Variants in ICA1L observed in about 807,000 individuals in gnomAD.
The protein encoded by ICA1L is islet cell autoantigen 1-like protein.
Under a neutral mutation model 61.3 loss-of-function variants are expected in ICA1L, and 50 were observed. That is an observed-to-expected ratio of 0.82 (90% CI 0.65 to 1.03). The LOEUF is 1.03. ICA1L is among the 50% of genes least tolerant of loss of function. ICA1L has a pLI of 0.00. For missense variants in ICA1L, 508 were observed against 556.7 expected, an observed-to-expected ratio of 0.91 and a Z score of 0.88; for synonymous variants, 161 against 191.3, an observed-to-expected ratio of 0.84 and a Z score of 1.31.
intron 9 of ICA1L, among the ~76,000 whole-genome samples, chr2:202,807,009 C>T (rs1186702422): frequency 3.3e-5 from 5 of 152,172 alleles, no homozygotes; most frequent in African/African-American, 4.8e-5. Context: ...TGGACTTTTG[C>T]GTTTAAAAGC....
chr2:202,777,573 A>G lies in ICA1L; in HGVS notation c.*1960T>C. On this transcript the variant is annotated 3_prime_UTR_variant, in exon 13 of 13. Coordinates refer to ENST00000358299, the MANE Select transcript of ICA1L (RefSeq NM_001288622.3). ...TTAAAATCTAAAAGAAATAGGAGTA[A>G]TATTGTGAAAAGATTTTATGGAAAG... is the stretch of plus-strand genomic sequence containing the variant. The G allele has an allele frequency of 6.6e-6, 1 of 152,208 alleles. No homozygotes were observed. The highest frequency in any genetic ancestry group is 1.5e-5 in the Non-Finnish European group (1 of 68,044). The allele number at this position is 152,208 out of a possible 1,614,324, so 9.4% of individuals were successfully genotyped here.
At chr2:202,787,533 T>C (rs1559127014) in intron 11 of ICA1L, among the ~76,000 whole-genome samples, 1 of 152,228 alleles carries the variant, frequency 6.6e-6, no homozygotes, top group Non-Finnish European at 1.5e-5. Context: ...TGTCTATTCT[T>C]TCTTTTATTC....
At chr2:202,866,726 T>A (rs1472968888) in intron 1 of ICA1L, among the ~76,000 whole-genome samples, 1 of 152,054 alleles carries the variant, frequency 6.6e-6, no homozygotes, top group Non-Finnish European at 1.5e-5. Flanking sequence ...GGCGGGCGAA[T>A]CACAAGGTCA....
rs570040617 is a variant in ICA1L, at chr2:202,848,119, T to C, written c.-7-19103A>G. Among the ~76,000 whole-genome samples, 8 of 152,192 alleles carry C rather than the reference T, an allele frequency of 5.3e-5. No homozygotes were observed. In the East Asian group the frequency reaches 1.4e-3, roughly 26 times the overall value. On this transcript the variant is annotated intron_variant, in intron 1 of 12. Transcript: ENST00000358299. ...GAGGAGGTGTTGAGATTAGCCACCA[T>C]GCCCGGCTAATTTTTGTATTTTTAA...
chr2:202,866,609 G>A (rs2105893865), intron 1 of ICA1L, among the ~76,000 whole-genome samples: 1 of 152,232 alleles, frequency 6.6e-6, no homozygotes, highest in South Asian at 2.1e-4. Context: ...CATTTACAAA[G>A]AGTAATTCAA....
chr2:202,814,375 C>T (rs761309600), intron 8 of ICA1L, among the ~76,000 whole-genome samples: 3 of 152,114 alleles, frequency 2.0e-5, no homozygotes, highest in Non-Finnish European at 4.4e-5. Flanking sequence ...CTTGATTTTG[C>T]CTCTTCACAC....
At position 202,793,164 on chromosome 2, in the gene ICA1L, A is replaced by G. The variant is rs1026677344; in HGVS notation, c.985+3726T>C. ...ATACCTAAATAGAGCTGTTAAAAATAAAAAGAAATTTTGTACAACTCTATT... is the reference window on the plus strand; with the variant it reads ...ATACCTAAATAGAGCTGTTAAAAATGAAAAGAAATTTTGTACAACTCTATT... On this transcript the variant is annotated intron_variant, in intron 10 of 12. Coordinates refer to ENST00000358299, the MANE Select transcript of ICA1L (RefSeq NM_001288622.3). Among the ~76,000 whole-genome samples, 4 of 152,304 alleles carry G rather than the reference A, an allele frequency of 2.6e-5. No individual in the cohort carries two copies. The East Asian group carries it at 7.7e-4, about 29-fold the overall frequency.
chr2:202,834,743 CCTCA>C (rs1327358255), intron 1 of ICA1L, among the ~76,000 whole-genome samples: 1 of 152,166 alleles, frequency 6.6e-6, no homozygotes, highest in Non-Finnish European at 1.5e-5. Context: ...TTCTTTACCA[CCTCA>C]CTCCATCATC....
At chr2:202,814,866 T>A in intron 7 of ICA1L, 82 bp from the exon 8 acceptor site, 1 of 924,332 alleles carries the variant, frequency 1.1e-6, no homozygotes, top group Non-Finnish European at 1.7e-6. Flanking sequence ...ATATAAATTC[T>A]AAAGAACCAT....
intron 1 of ICA1L, among the ~76,000 whole-genome samples, chr2:202,867,718 T>C (rs1001789687): frequency 2.6e-5 from 4 of 152,182 alleles, no homozygotes; most frequent in African/African-American, 9.7e-5. Context: ...AACCAATCTG[T>C]CAATTCAAAG....
intron 1 of ICA1L, among the ~76,000 whole-genome samples, chr2:202,842,259 T>C (rs999281626): frequency 2.6e-5 from 4 of 152,260 alleles, no homozygotes; most frequent in African/African-American, 7.2e-5. Flanking sequence ...ATGAGTTTTA[T>C]ACTTTTAGAT....
intron 3 of ICA1L, among the ~76,000 whole-genome samples, chr2:202,821,964 A>G (rs1243084960): frequency 6.6e-6 from 1 of 152,058 alleles, no homozygotes; most frequent in Non-Finnish European, 1.5e-5. Context: ...AACCCTAAAA[A>G]CTGTCATCTA....
chr2:202,845,856 A>T (rs2105876250), intron 1 of ICA1L, among the ~76,000 whole-genome samples: 1 of 152,314 alleles, frequency 6.6e-6, no homozygotes. Context: ...TCTTGAGAAA[A>T]ATAATCTGTG....
intron 1 of ICA1L, among the ~76,000 whole-genome samples, chr2:202,836,647 A>T (rs2105867112): frequency 6.6e-6 from 1 of 151,918 alleles, no homozygotes; most frequent in South Asian, 2.1e-4. Context: ...CTTTAATGGG[A>T]GACTTCTTAT....
intron 10 of ICA1L, among the ~76,000 whole-genome samples, chr2:202,792,335 G>A (rs1410452123): frequency 6.6e-6 from 1 of 152,020 alleles, no homozygotes; most frequent in East Asian, 1.9e-4. Flanking sequence ...TTCACTCCTG[G>A]GAATCTAACC....
At chr2:202,825,531 GAA>G (rs1693818358) in intron 3 of ICA1L, 162 bp downstream of exon 3, 1 of 1,347,550 alleles carries the variant, frequency 7.4e-7, no homozygotes, top group South Asian at 1.9e-5. Flanking sequence ...ACTGAGGAAA[GAA>G]GAGAGAATAC....
intron 11 of ICA1L, among the ~76,000 whole-genome samples, chr2:202,787,367 AG>A (rs1233458119): frequency 6.6e-6 from 1 of 152,222 alleles, no homozygotes; most frequent in African/African-American, 2.4e-5. Context: ...ATGGAGGAAG[AG>A]GGAGGAGTTG....
rs141259339 is a variant in ICA1L, at chr2:202,813,806, A to C, written c.866+896T>G. On this transcript the variant is annotated intron_variant, in intron 8 of 12. Coordinates refer to ENST00000358299, the MANE Select transcript of ICA1L (RefSeq NM_001288622.3). ...ATAAAAGGGAAACGGGGCATGAAGGATGTACACGGCAACAGCCCGTATTTT... is the reference window on the plus strand; with the variant it reads ...ATAAAAGGGAAACGGGGCATGAAGGCTGTACACGGCAACAGCCCGTATTTT... 5.4e-3 allele frequency among the ~76,000 whole-genome samples: 829 copies of C among 152,336 alleles called. 7 individuals carry two copies. The highest frequency in any genetic ancestry group is 0.014 in the Middle Eastern group (4 of 294).
chr2:202,808,637 GA>G (rs1175765356), intron 9 of ICA1L, among the ~76,000 whole-genome samples: 1 of 152,218 alleles, frequency 6.6e-6, no homozygotes, highest in African/African-American at 2.4e-5. Flanking sequence ...GTGGTAACAG[GA>G]GGCCCAGGCT....
Sources: gnomAD v4.1 joint callset for allele counts (sites outside exome capture counted in the v4.1 genomes callset) on GRCh38, gnomAD v4.1.1 for gene constraint, MANE v1.5 for transcripts, NCBI Gene and HGNC (gene_info 2026-07-23, HGNC 2026-07-21) for gene names.